TKTL1: variants seen among roughly 807,000 people sequenced by gnomAD.
TKTL1 encodes the protein transketolase like 1, also known as transketolase-like protein 1.
Under a neutral mutation model 39.3 loss-of-function variants are expected in TKTL1, and 1 was observed. The ratio of observed to expected loss-of-function variants is 0.03; its 90% confidence interval spans 0.01 to 0.12. The LOEUF is 0.12. Among genes scored for constraint, TKTL1 ranks in the 10% least tolerant of loss-of-function variants. The pLI is 1.00. For synonymous variants in TKTL1, 262 were observed against 193.8 expected, an observed-to-expected ratio of 1.35 and a Z score of -2.92; for missense variants, 575 against 509.6, an observed-to-expected ratio of 1.13 and a Z score of -1.24.
Position 154,312,724 on chromosome X carries a change from T to C in TKTL1, c.815T>C (p.Ile272Thr). ...ATTGAGGACTCACCTGAAGTCAACATCACAGATGTAAGGATGACCTCTCCA... is the reference window on the plus strand; with the variant it reads ...ATTGAGGACTCACCTGAAGTCAACACCACAGATGTAAGGATGACCTCTCCA... ...PPIEDSPEVN[I>T]TDVRMTSPPD... The change falls in exon 6 of 13, where the codon ATC becomes ACC. Residue 272 changes from isoleucine to threonine, a missense_variant. Ile to Thr is a moderately conservative substitution (Grantham distance 89). Transcript: ENST00000369915. The C allele has an allele frequency of 1.7e-6, 2 of 1,211,197 alleles. No individual in the cohort carries two copies. Among genetic ancestry groups the C allele is most frequent in the Non-Finnish European group, 2.2e-6 (2 of 895,242 alleles).
At chrX:154,305,233 C>T in intron 1 of TKTL1, 71 bp from the exon 2 acceptor site, 1 of 1,187,576 alleles carries the variant, frequency 8.4e-7, no homozygotes, top group African/African-American at 1.7e-5. Flanking sequence ...TATGAGGAGA[C>T]CATGTGCCGA....
intron 9 of TKTL1, among the ~76,000 whole-genome samples, chrX:154,323,743 C>G (rs1418048091): frequency 8.9e-6 from 1 of 112,547 alleles, no homozygotes. Flanking sequence ...TCCTGACATC[C>G]AGGAAGCTGG....
chrX:154,307,734 G>A (rs1420660547), intron 2 of TKTL1, among the ~76,000 whole-genome samples: 9 of 112,511 alleles, frequency 8.0e-5, no homozygotes, highest in Non-Finnish European at 1.7e-4. Context: ...GCCCAGGCTC[G>A]GTCCATTATG....
chrX:154,318,519 G>GA (rs1264746874), intron 7 of TKTL1, among the ~76,000 whole-genome samples: 2 of 103,943 alleles, frequency 1.9e-5, no homozygotes, highest in African/African-American at 7.1e-5. Flanking sequence ...CTAACATGGT[G>GA]AAACCCCTTC....
At chrX:154,318,263 ATGTAGTTGTTCATATAT>A (rs1422985286) in intron 7 of TKTL1, among the ~76,000 whole-genome samples, 1 of 110,036 alleles carries the variant, frequency 9.1e-6, no homozygotes, top group Admixed American at 9.7e-5. Flanking sequence ...GTTGCAAAGG[ATGTAGTTGTTCATATAT>A]TGACATTTTT....
rs1379918701 is a variant in TKTL1 at position 154,316,875 on chromosome X, T to C, written c.1029+1538T>C. Among the ~76,000 whole-genome samples, 6 of 108,798 alleles carry C rather than the reference T, an allele frequency of 5.5e-5. No individual in the cohort carries two copies. The Admixed American group carries it at 5.9e-4, about 11-fold the overall frequency. 94.5% of individuals were successfully genotyped at this position (108,798 alleles called of 115,157 possible). A position where few individuals can be genotyped will look rare whatever the true frequency, so the allele number is the denominator to read the frequency against. On this transcript the variant is annotated intron_variant, in intron 7 of 12. Transcript: ENST00000369915. ...ACCTCTGCCTCCCAGGTTCAAGCGATTCCCTTGCCTCAGCCTCGCAGGTAG... is the reference window on the plus strand; with the variant it reads ...ACCTCTGCCTCCCAGGTTCAAGCGACTCCCTTGCCTCAGCCTCGCAGGTAG...
intron 3 of TKTL1, 147 bp from the exon 4 acceptor site, chrX:154,310,689 G>A: frequency 2.0e-6 from 1 of 488,789 alleles, no homozygotes. Context: ...CTGCTGGGCT[G>A]GGGCAGAGTT....
chrX:154,321,646 T>C (rs12556555), intron 8 of TKTL1, among the ~76,000 whole-genome samples: 22,750 of 106,597 alleles, frequency 0.21, 1,951 homozygotes, highest in South Asian at 0.53. Context: ...GTCATTTTCG[T>C]GAATGACAGA....
intron 12 of TKTL1, 30 bp from the exon 13 acceptor site, chrX:154,329,486 C>T (rs2067520301): frequency 8.3e-7 from 1 of 1,200,809 alleles, no homozygotes; most frequent in Non-Finnish European, 1.1e-6. Flanking sequence ...GCTGCTTTCA[C>T]AAAAGGGCCT....
intron 1 of TKTL1, among the ~76,000 whole-genome samples, chrX:154,303,170 T>C (rs111281045): frequency 6.9e-5 from 7 of 100,857 alleles, no homozygotes; most frequent in Non-Finnish European, 9.9e-5. Flanking sequence ...TCCCCATTTT[T>C]TAAAATTTTT....
In TKTL1 at chrX:154,320,740, T is replaced by A. The variant is rs1557170427; in HGVS notation, c.1030-17T>A. 3 of 1,208,197 alleles carry A rather than the reference T, an allele frequency of 2.5e-6. No individual in the cohort carries two copies. The African/African-American group carries it at 5.2e-5, about 21-fold the overall frequency. ...CAATGCCCAGGGATGTTCTGATTCA[T>A]GTTCTCTGTGCTGCAGGTGAGCGTG... On this transcript the variant is annotated splice_polypyrimidine_tract_variant and intron_variant, in intron 7 of 12. Coordinates refer to ENST00000369915, the MANE Select transcript of TKTL1 (RefSeq NM_012253.4).
intron 7 of TKTL1, among the ~76,000 whole-genome samples, chrX:154,319,520 G>C (rs782522242): frequency 1.3e-4 from 15 of 111,709 alleles, no homozygotes; most frequent in Non-Finnish European, 2.3e-4. Context: ...CGAGGTGGGT[G>C]GATCACCTGT....
chrX:154,300,327 G>T (rs2067263682), intron 1 of TKTL1, among the ~76,000 whole-genome samples: 1 of 112,322 alleles, frequency 8.9e-6, no homozygotes, highest in Admixed American at 9.4e-5. Context: ...GGTGTATTTT[G>T]ATGGGAATTG....
At chrX:154,325,503 C>G in intron 10 of TKTL1, 81 bp downstream of exon 10, 1 of 869,078 alleles carries the variant, frequency 1.2e-6, no homozygotes, top group Non-Finnish European at 1.7e-6. Context: ...CAGCTATCTT[C>G]AGAGTTGAGA....
At chrX:154,303,019 T>A (rs1156791929) in intron 1 of TKTL1, among the ~76,000 whole-genome samples, 2 of 110,420 alleles carry the variant, frequency 1.8e-5, no homozygotes, top group Non-Finnish European at 3.8e-5. Flanking sequence ...TTTTGAGCCA[T>A]CACGTTTGTG....
Position 154,300,277 on chromosome X carries a change from T to G in TKTL1, c.134+4284T>G, listed in dbSNP as rs782480001. Among the ~76,000 whole-genome samples, 418 of 112,641 alleles carry G rather than the reference T, an allele frequency of 3.7e-3. 2 individuals carry two copies. Among genetic ancestry groups the G allele is most frequent in the Non-Finnish European group, 4.5e-3 (238 of 53,244 alleles). ...GATCGCCTGCCTTGGCCTCCCAAAG[T>G]GCTGGGATTACAGGCGTGAGCCACC... On this transcript the variant is annotated intron_variant, in intron 1 of 12. Coordinates refer to ENST00000369915, the MANE Select transcript of TKTL1 (RefSeq NM_012253.4).
At chrX:154,303,294 C>T (rs1217810694) in intron 1 of TKTL1, among the ~76,000 whole-genome samples, 4 of 103,680 alleles carry the variant, frequency 3.9e-5, no homozygotes, top group African/African-American at 1.4e-4. Flanking sequence ...CTCACTACAG[C>T]CTTGACCTCC....
chrX:154,295,912 G>C lies in TKTL1; in HGVS notation c.53G>C (p.Arg18Thr), dbSNP rs782370876. 4.1e-6 allele frequency: 5 copies of C among 1,212,059 alleles called. No homozygotes were observed. Among genetic ancestry groups the C allele is most frequent in the Non-Finnish European group, 3.4e-6 (3 of 895,520 alleles). The change falls in exon 1 of 13, where the codon AGG becomes ACG. Residue 18 changes from arginine (R) to threonine (T), a missense_variant. Coordinates refer to ENST00000369915, the MANE Select transcript of TKTL1 (RefSeq NM_012253.4). ...AEFPEEARPD[R>T]GTLQVLQDMA... ...TTCCCGGAGGAGGCCAGACCTGACA[G>C]GGGCACCTTGCAGGTGTTGCAAGAT... is the stretch of plus-strand genomic sequence containing the variant.
chrX:154,324,021 G>A (rs1000441279), intron 9 of TKTL1, among the ~76,000 whole-genome samples: 1 of 112,789 alleles, frequency 8.9e-6, no homozygotes, highest in Non-Finnish European at 1.9e-5. Context: ...TGGCACAGTC[G>A]GGATGGGGAC....
Sources: gnomAD v4.1 joint callset for allele counts (sites outside exome capture counted in the v4.1 genomes callset) on GRCh38, gnomAD v4.1.1 for gene constraint, MANE v1.5 for transcripts, NCBI Gene and HGNC (gene_info 2026-07-23, HGNC 2026-07-21) for gene names.